Variants in METTL16 observed in about 807,000 individuals in gnomAD.
METTL16 encodes the protein methyltransferase 16, RNA N6-adenosine, also known as RNA N(6)-adenosine-methyltransferase METTL16.
METTL16 carries 19 observed loss-of-function variants against 57.9 expected under a neutral mutation model. The ratio of observed to expected loss-of-function variants is 0.33; its 90% CI spans 0.23 to 0.48. The LOEUF is 0.48. METTL16 is among the 20% of genes least tolerant of loss of function. The probability of loss-of-function intolerance (pLI) is 0.99; values close to 1 mark genes in which losing one functional copy is unlikely to be tolerated. For missense variants in METTL16, 434 were observed against 691.5 expected (o/e 0.63, Z 4.18); for synonymous variants, 246 against 255.6 (o/e 0.96, Z 0.36).
rs2066712320 is a variant in METTL16, at chr17:2,416,056, CTCTT to C, written c.*3910_*3913del. On this transcript the variant is annotated 3_prime_UTR_variant, in exon 10 of 10. Transcript: ENST00000263092. ...AAGAGACCATGGCTAGTGTTTTTTT[CTCTT>C]TCTACTTTTATTTTTCAAATTTTAT... The C allele has an allele frequency of 6.6e-6, 1 of 152,050 alleles. No individual in the cohort carries two copies. Among genetic ancestry groups the C allele is most frequent in the Non-Finnish European group, 1.5e-5 (1 of 67,974 alleles). 9.4% of individuals were successfully genotyped at this position (152,050 alleles called of 1,614,324 possible). A position where few individuals can be genotyped will look rare whatever the true frequency, so the allele number is the denominator to read the frequency against.
chr17:2,476,020 G>A (rs1413242100), intron 3 of METTL16, among the ~76,000 whole-genome samples: 1 of 152,224 alleles, frequency 6.6e-6, no homozygotes, highest in Admixed American at 6.5e-5. Flanking sequence ...TGGCAGTGGA[G>A]ATGGAGAGAA....
At chr17:2,464,629 C>T (rs2067177006) in intron 5 of METTL16, among the ~76,000 whole-genome samples, 1 of 152,090 alleles carries the variant, frequency 6.6e-6, no homozygotes, top group South Asian at 2.1e-4. Context: ...TTTCTTTATG[C>T]TTTCTTTCTC....
At chr17:2,491,150 A>C (rs1177819255) in intron 2 of METTL16, among the ~76,000 whole-genome samples, 1 of 152,210 alleles carries the variant, frequency 6.6e-6, no homozygotes, top group East Asian at 1.9e-4. Context: ...CAGACAGGCA[A>C]GATCTTTTCT....
chr17:2,459,415 T>C (rs1041484654), intron 6 of METTL16, among the ~76,000 whole-genome samples: 12 of 152,208 alleles, frequency 7.9e-5, no homozygotes, highest in African/African-American at 2.9e-4. Context: ...CTGCTGAGCA[T>C]GACAGAGGTG....
At chr17:2,448,799 ATTT>A (rs1332203454) in intron 6 of METTL16, among the ~76,000 whole-genome samples, 205 of 76,972 alleles carry the variant, frequency 2.7e-3, no homozygotes, top group Non-Finnish European at 3.5e-3. Flanking sequence ...TAAAAATAAA[ATTT>A]AAAAAAAAAA....
chr17:2,472,486 G>A (rs943180194), intron 4 of METTL16, among the ~76,000 whole-genome samples: 7 of 152,104 alleles, frequency 4.6e-5, no homozygotes, highest in African/African-American at 7.2e-5. Context: ...AAAAAGCTGC[G>A]CACAGATGTT....
chr17:2,506,521 C>T (rs4606748), intron 1 of METTL16, among the ~76,000 whole-genome samples: 20,739 of 150,362 alleles, frequency 0.14, 1,790 homozygotes, highest in East Asian at 0.34. Context: ...CTCCTAACCG[C>T]GAGTGATCCG....
At chr17:2,461,144 A>C (rs1365349936) in intron 6 of METTL16, among the ~76,000 whole-genome samples, 1 of 152,050 alleles carries the variant, frequency 6.6e-6, no homozygotes, top group African/African-American at 2.4e-5. Context: ...CCTGAGGTCA[A>C]GACTTCGAGA....
chr17:2,480,633 A>G (rs2067299103), intron 2 of METTL16, among the ~76,000 whole-genome samples: 1 of 152,230 alleles, frequency 6.6e-6, no homozygotes, highest in African/African-American at 2.4e-5. Flanking sequence ...ATTTTATTGT[A>G]TTAGAAAACA....
intron 6 of METTL16, among the ~76,000 whole-genome samples, chr17:2,463,381 T>G (rs183644275): frequency 4.6e-5 from 7 of 152,290 alleles, no homozygotes; most frequent in Admixed American, 3.3e-4. Flanking sequence ...TAAACACTAA[T>G]CAATTAAAGG....
intron 6 of METTL16, among the ~76,000 whole-genome samples, chr17:2,454,104 G>T (rs553506541): frequency 6.6e-6 from 1 of 152,108 alleles, no homozygotes; most frequent in Non-Finnish European, 1.5e-5. Context: ...CTTCTGACAT[G>T]TCATTTTTTG....
intron 8 of METTL16, among the ~76,000 whole-genome samples, chr17:2,421,118 C>T (rs1189116921): frequency 6.6e-6 from 1 of 152,142 alleles, no homozygotes; most frequent in Non-Finnish European, 1.5e-5. Context: ...CTTTGGGGGG[C>T]CATGGCAGGA....
At chr17:2,452,747 G>A (rs560081356) in intron 6 of METTL16, among the ~76,000 whole-genome samples, 1 of 152,140 alleles carries the variant, frequency 6.6e-6, no homozygotes, top group Non-Finnish European at 1.5e-5. Context: ...GTGTGTATGT[G>A]TTTTTTCCTA....
At chr17:2,478,960 T>G (rs2067285332) in intron 2 of METTL16, among the ~76,000 whole-genome samples, 1 of 152,166 alleles carries the variant, frequency 6.6e-6, no homozygotes, top group Admixed American at 6.5e-5. Flanking sequence ...TACATACAAG[T>G]CTTTGTGTGG....
intron 8 of METTL16, among the ~76,000 whole-genome samples, chr17:2,429,966 ATG>A (rs956795023): frequency 1.1e-4 from 16 of 150,938 alleles, no homozygotes; most frequent in Non-Finnish European, 7.4e-5. Context: ...GCCCGCCACC[ATG>A]CCCGGCTAAT....
intron 8 of METTL16, among the ~76,000 whole-genome samples, chr17:2,433,685 G>A (rs932067426): frequency 3.9e-5 from 6 of 152,234 alleles, no homozygotes; most frequent in African/African-American, 9.6e-5. Context: ...TATAATGTAT[G>A]TGAAGTATTC....
chr17:2,503,657 T>A (rs2067507244), intron 1 of METTL16, among the ~76,000 whole-genome samples: 1 of 151,778 alleles, frequency 6.6e-6, no homozygotes, highest in South Asian at 2.1e-4. Flanking sequence ...ACAATAAATA[T>A]GGATCAACAA....
chr17:2,490,421 T>TA (rs2067379063), intron 2 of METTL16, among the ~76,000 whole-genome samples: 1 of 152,166 alleles, frequency 6.6e-6, no homozygotes, highest in South Asian at 2.1e-4. Flanking sequence ...TGATTGTATG[T>TA]AACTACAACT....
At chr17:2,448,233 C>A (rs1272408709) in intron 6 of METTL16, among the ~76,000 whole-genome samples, 9 of 148,206 alleles carry the variant, frequency 6.1e-5, no homozygotes, top group Non-Finnish European at 7.6e-5. Flanking sequence ...ACGACCCCGT[C>A]TGGGAGGTGT....
Sources: allele counts gnomAD v4.1 joint callset (sites outside exome capture counted in the v4.1 genomes callset), GRCh38; gene constraint gnomAD v4.1.1; transcripts MANE v1.5; gene names NCBI Gene and HGNC (gene_info 2026-07-23, HGNC 2026-07-21).